FMNL2: variants seen among roughly 807,000 people sequenced by gnomAD.
FMNL2 encodes the protein formin-like protein 2.
Under a neutral mutation model 130.2 loss-of-function variants are expected in FMNL2, and 51 were observed. That is an observed-to-expected ratio of 0.39 (90% CI 0.31 to 0.49). The LOEUF is 0.49. Ranked by LOEUF, FMNL2 falls within the 20% of genes least tolerant of loss-of-function variation. The pLI is 0.85. For missense variants in FMNL2, 977 were observed against 1,316.2 expected, an observed-to-expected ratio of 0.74 and a Z score of 3.99; for synonymous variants, 465 against 467.1, an observed-to-expected ratio of 1.00 and a Z score of 0.06.
intron 1 of FMNL2, among the ~76,000 whole-genome samples, chr2:152,369,164 T>A (rs996581318): frequency 6.6e-6 from 1 of 152,236 alleles, no homozygotes; most frequent in Non-Finnish European, 1.5e-5. Context: ...GTTTGTGCAG[T>A]GTCAAAACAT....
intron 1 of FMNL2, among the ~76,000 whole-genome samples, chr2:152,436,341 G>T (rs960592528): frequency 7.2e-5 from 11 of 151,928 alleles, no homozygotes; most frequent in African/African-American, 2.7e-4. Context: ...AGAAATGAGG[G>T]TCTCACTATG....
intron 1 of FMNL2, among the ~76,000 whole-genome samples, chr2:152,490,568 A>AGTGTGTGTGTGTGTGTGTGT: frequency 2.8e-5 from 1 of 35,414 alleles, no homozygotes; most frequent in South Asian, 1.0e-3. Flanking sequence ...TTTGCTATCC[A>AGTGTGTGTGTGTGTGTGTGT]ATGTGTGTGT....
intron 1 of FMNL2, among the ~76,000 whole-genome samples, chr2:152,337,858 G>T (rs551129502): frequency 1.3e-5 from 2 of 152,136 alleles, no homozygotes; most frequent in Admixed American, 1.3e-4. Context: ...TGGGGGACCA[G>T]GTCAGCTTGG....
At chr2:152,561,148 C>G (rs995525839) in intron 6 of FMNL2, 113 bp downstream of exon 6, 2 of 1,076,132 alleles carry the variant, frequency 1.9e-6, no homozygotes, top group Non-Finnish European at 2.6e-6. Context: ...ACAGCACTTT[C>G]ATTTGCAATG....
rs764404918 is a variant in FMNL2 at position 152,628,353 on chromosome 2, A to G, written c.2220A>G (p.Leu740=). 2 of 1,614,026 alleles carry G rather than the reference A, an allele frequency of 1.2e-6. No homozygotes were observed. Among genetic ancestry groups the G allele is most frequent in the South Asian group, 2.2e-5 (2 of 91,086 alleles). Residue 740 remains leucine, a synonymous_variant, in exon 18 of 26, where the codon CTA becomes CTG. Coordinates refer to ENST00000288670, the MANE Select transcript of FMNL2 (RefSeq NM_052905.4). ...TTGTGGAATGCTTGATGCGGTTCCT[A>G]CCAACTGAGAATGAAGTGAAAGTGC... The part of the protein sequence containing the change: ...VDFVECLMRF[L]PTENEVKVLR...
chr2:152,495,141 T>G (rs138858407), intron 1 of FMNL2, among the ~76,000 whole-genome samples: 2 of 152,250 alleles, frequency 1.3e-5, no homozygotes, highest in Non-Finnish European at 2.9e-5. Flanking sequence ...AGCCTGAATA[T>G]GTAAATGGCA....
chr2:152,577,606 G>C (rs1242772727), intron 7 of FMNL2, among the ~76,000 whole-genome samples: 1 of 152,128 alleles, frequency 6.6e-6, no homozygotes, highest in Non-Finnish European at 1.5e-5. Context: ...AAGAAAAGCT[G>C]GCTAGAGAGC....
At chr2:152,619,785 G>A in intron 15 of FMNL2, 67 bp downstream of exon 15, 1 of 1,550,464 alleles carries the variant, frequency 6.4e-7, no homozygotes, top group South Asian at 1.2e-5. Context: ...GAGAGTTGAA[G>A]CTATTCTTTC....
chr2:152,568,218 G>GGTTTTTTTTT (rs1270152711), intron 6 of FMNL2, among the ~76,000 whole-genome samples: 14 of 34,854 alleles, frequency 4.0e-4, no homozygotes, highest in African/African-American at 1.0e-3. Context: ...ATTTTGGTGG[G>GGTTTTTTTTT]TTTTTTTTTT....
chr2:152,384,947 C>T (rs1684699272), intron 1 of FMNL2, among the ~76,000 whole-genome samples: 2 of 152,166 alleles, frequency 1.3e-5, no homozygotes, highest in African/African-American at 4.8e-5. Context: ...GTAAACTAAC[C>T]CATGTTAGTG....
chr2:152,556,551 C>A (rs1441595488), intron 4 of FMNL2, among the ~76,000 whole-genome samples: 1 of 152,170 alleles, frequency 6.6e-6, no homozygotes, highest in Non-Finnish European at 1.5e-5. Flanking sequence ...TGCATTAAAA[C>A]GTATGCATAT....
intron 24 of FMNL2, 120 bp from the exon 25 acceptor site, chr2:152,640,671 T>G: frequency 2.5e-6 from 3 of 1,182,320 alleles, no homozygotes; most frequent in South Asian, 1.6e-5. Flanking sequence ...GAATGTGGGA[T>G]GTGTGTGTGT....
chr2:152,412,410 C>G (rs1264383754), intron 1 of FMNL2, among the ~76,000 whole-genome samples: 8 of 136,834 alleles, frequency 5.8e-5, no homozygotes. Context: ...CTTCTCCCTT[C>G]AGTCTTATAT....
At chr2:152,557,788 G>A (rs549138372) in intron 4 of FMNL2, among the ~76,000 whole-genome samples, 2 of 152,300 alleles carry the variant, frequency 1.3e-5, no homozygotes, top group East Asian at 1.9e-4. Context: ...TGGTGTTTCT[G>A]GAGGAAAGCA....
chr2:152,404,601 T>C (rs774052332), intron 1 of FMNL2, among the ~76,000 whole-genome samples: 1 of 152,142 alleles, frequency 6.6e-6, no homozygotes, highest in Non-Finnish European at 1.5e-5. Flanking sequence ...AGAAGGATTA[T>C]GTTTAGATTA....
At chr2:152,617,569 C>G (rs574672276) in intron 13 of FMNL2, among the ~76,000 whole-genome samples, 27 of 152,106 alleles carry the variant, frequency 1.8e-4, no homozygotes, top group African/African-American at 6.5e-4. Context: ...TATTTTTTTG[C>G]TTTGCTTCCA....
In FMNL2 at chr2:152,486,005, G is replaced by T. The variant is rs182603797; in HGVS notation, c.118-35938G>T. Among the ~76,000 whole-genome samples the T allele has an allele frequency of 3.3e-5, 5 of 152,300 alleles. No homozygotes were observed. In the East Asian group the frequency reaches 9.6e-4, roughly 29 times the overall value. Reference sequence around the variant, plus strand: ...TATAATTGGCAAACTTCTCATCTCCGAGAATAATTGCTTGATTTCATGGAA... The same window carrying T: ...TATAATTGGCAAACTTCTCATCTCCTAGAATAATTGCTTGATTTCATGGAA... On this transcript the variant is annotated intron_variant, in intron 1 of 25. Coordinates refer to ENST00000288670, the MANE Select transcript of FMNL2 (RefSeq NM_052905.4).
intron 1 of FMNL2, among the ~76,000 whole-genome samples, chr2:152,448,459 G>A (rs1444151849): frequency 6.6e-6 from 1 of 152,062 alleles, no homozygotes; most frequent in Non-Finnish European, 1.5e-5. Flanking sequence ...GTTAATTGTC[G>A]GGATAAGCAT....
At chr2:152,623,652 C>T (rs769234496) in intron 15 of FMNL2, among the ~76,000 whole-genome samples, 26 of 152,244 alleles carry the variant, frequency 1.7e-4, no homozygotes, top group South Asian at 6.2e-4. Context: ...TGCACTGAAG[C>T]GCTGAAGTTC....
Sources: gnomAD v4.1 joint callset for allele counts (sites outside exome capture counted in the v4.1 genomes callset) on GRCh38, gnomAD v4.1.1 for gene constraint, MANE v1.5 for transcripts, NCBI Gene and HGNC (gene_info 2026-07-23, HGNC 2026-07-21) for gene names.